The following PRR16 variants were observed in gnomAD, a reference collection of about 807,000 sequenced individuals.
The protein encoded by PRR16 is proline rich 16, also known as protein Largen.
A neutral mutation model predicts 18.2 loss-of-function variants in PRR16; 6 were observed. The observed-to-expected ratio is 0.33, with a 90% CI of 0.18 to 0.65. The LOEUF (loss-of-function observed/expected upper bound fraction) is 0.65. PRR16 is among the 30% of genes least tolerant of loss of function. The pLI is 0.74. For missense variants in PRR16, 412 were observed against 376.6 expected (o/e 1.09, Z -0.78); for synonymous variants, 151 against 147.8 (o/e 1.02, Z -0.16).
chr5:120,548,392 C>T (rs942772442), intron 1 of PRR16, among the ~76,000 whole-genome samples: 3 of 152,082 alleles, frequency 2.0e-5, no homozygotes, highest in Non-Finnish European at 2.9e-5. Context: ...CCTTTAGTTA[C>T]AGTTCTTTGA....
chr5:120,527,936 A>G (rs540271431), intron 1 of PRR16, among the ~76,000 whole-genome samples: 44 of 152,340 alleles, frequency 2.9e-4, no homozygotes, highest in African/African-American at 1.1e-3. Flanking sequence ...TAAAAACAAT[A>G]TGAAGAGGTG....
intron 1 of PRR16, among the ~76,000 whole-genome samples, chr5:120,629,909 A>C (rs1754998820): frequency 6.6e-6 from 1 of 152,062 alleles, no homozygotes; most frequent in African/African-American, 2.4e-5. Flanking sequence ...ATCAGCTATC[A>C]GCACAATTTC....
chr5:120,475,369 T>C (rs17510029), intron 1 of PRR16, among the ~76,000 whole-genome samples: 1,743 of 152,300 alleles, frequency 0.011, 14 homozygotes, highest in South Asian at 0.027. Flanking sequence ...CTCTTTTTCC[T>C]TTCTTGTTTT....
At chr5:120,655,067 A>T (rs1485487665) in intron 1 of PRR16, among the ~76,000 whole-genome samples, 1 of 151,992 alleles carries the variant, frequency 6.6e-6, no homozygotes, top group Non-Finnish European at 1.5e-5. Flanking sequence ...ATTATTGATC[A>T]TATATTACCT....
At chr5:120,627,339 T>C (rs1277956386) in intron 1 of PRR16, among the ~76,000 whole-genome samples, 2 of 152,140 alleles carry the variant, frequency 1.3e-5, no homozygotes, top group Non-Finnish European at 2.9e-5. Context: ...CAAGTACTGA[T>C]TAATTCTGTA....
At chr5:120,629,143 C>G (rs1234391091) in intron 1 of PRR16, among the ~76,000 whole-genome samples, 36 of 151,968 alleles carry the variant, frequency 2.4e-4, no homozygotes, top group Admixed American at 2.4e-3. Context: ...ATTTGGTTTC[C>G]TATTTCTATG....
At chr5:120,793,996 G>T in the PRR16 span, among the ~76,000 whole-genome samples, 3 of 152,078 alleles carry the variant, frequency 2.0e-5, no homozygotes, top group Non-Finnish European at 4.4e-5. Flanking sequence ...TATAATATAC[G>T]TGGTTCCTTG....
chr5:120,762,677 G>C, the PRR16 span, among the ~76,000 whole-genome samples: 1 of 152,078 alleles, frequency 6.6e-6, no homozygotes, highest in Non-Finnish European at 1.5e-5. Context: ...GTGTGTTCTA[G>C]ATATTGTTCC....
At chr5:120,623,633 T>C (rs772891783) in intron 1 of PRR16, among the ~76,000 whole-genome samples, 1 of 152,174 alleles carries the variant, frequency 6.6e-6, no homozygotes, top group Non-Finnish European at 1.5e-5. Flanking sequence ...CATGTTATCA[T>C]ATATTATTAG....
At chr5:120,787,403 C>T in the PRR16 span, among the ~76,000 whole-genome samples, 1 of 152,108 alleles carries the variant, frequency 6.6e-6, no homozygotes, top group African/African-American at 2.4e-5. Context: ...CTTCAAAATT[C>T]AGTGATATTT....
intron 1 of PRR16, among the ~76,000 whole-genome samples, chr5:120,478,257 C>A (rs1331922837): frequency 6.6e-6 from 1 of 152,134 alleles, no homozygotes; most frequent in African/African-American, 2.4e-5. Context: ...AGAGAAGGAA[C>A]AAGAAATAGA....
At chr5:120,495,314 G>T (rs1184556282) in intron 1 of PRR16, among the ~76,000 whole-genome samples, 4 of 152,030 alleles carry the variant, frequency 2.6e-5, no homozygotes, top group Non-Finnish European at 4.4e-5. Flanking sequence ...TTTTTTGAGT[G>T]ATTGTAAATA....
intron 1 of PRR16, among the ~76,000 whole-genome samples, chr5:120,662,837 G>A (rs1235770479): frequency 1.3e-5 from 2 of 152,056 alleles, no homozygotes; most frequent in Non-Finnish European, 2.9e-5. Context: ...TGAAGGCCTG[G>A]GGACCTTGGG....
chr5:120,557,844 C>A (rs1213243768), intron 1 of PRR16, among the ~76,000 whole-genome samples: 1 of 151,786 alleles, frequency 6.6e-6, no homozygotes, highest in African/African-American at 2.4e-5. Flanking sequence ...TCTGAAAAAT[C>A]ATTTTGGAAC....
the PRR16 span, among the ~76,000 whole-genome samples, chr5:120,775,189 T>C: frequency 6.6e-6 from 1 of 152,180 alleles, no homozygotes; most frequent in Admixed American, 6.5e-5. Context: ...TGTTGAAAAT[T>C]TACTCTTGAT....
intron 1 of PRR16, among the ~76,000 whole-genome samples, chr5:120,679,141 G>A (rs1179835975): frequency 6.6e-6 from 1 of 152,034 alleles, no homozygotes; most frequent in Non-Finnish European, 1.5e-5. Flanking sequence ...CACAACATCT[G>A]CCATTATCCT....
At chr5:120,693,910 A>T in the PRR16 span, among the ~76,000 whole-genome samples, 193 of 152,306 alleles carry the variant, frequency 1.3e-3, no homozygotes, top group East Asian at 6.9e-3. Flanking sequence ...CCTTGCTAAA[A>T]GCTTAGTACT....
intron 1 of PRR16, among the ~76,000 whole-genome samples, chr5:120,479,094 G>C (rs1749530701): frequency 6.6e-6 from 1 of 151,738 alleles, no homozygotes; most frequent in South Asian, 2.1e-4. Flanking sequence ...AAAAATATGG[G>C]TACTTATAAT....
chr5:120,497,831 T>C (rs921168409), intron 1 of PRR16, among the ~76,000 whole-genome samples: 1 of 151,492 alleles, frequency 6.6e-6, no homozygotes, highest in Non-Finnish European at 1.5e-5. Flanking sequence ...ATTTTTTTAT[T>C]TGAAATTTAC....
Sources: allele counts gnomAD v4.1 joint callset (sites outside exome capture counted in the v4.1 genomes callset), GRCh38; gene constraint gnomAD v4.1.1; transcripts MANE v1.5; gene names NCBI Gene and HGNC (gene_info 2026-07-23, HGNC 2026-07-21).